RAP1GAP: variants seen among roughly 807,000 people sequenced by gnomAD.
RAP1GAP encodes RAP1 GTPase activating protein.
Under a neutral mutation model 87.2 loss-of-function variants are expected in RAP1GAP, and 35 were observed. That is an observed-to-expected ratio of 0.40 (90% CI 0.31 to 0.53). The LOEUF (loss-of-function observed/expected upper bound fraction) is 0.53, where lower values mean the gene tolerates loss of function less well. RAP1GAP is among the 20% of genes least tolerant of loss of function. The probability of loss-of-function intolerance (pLI) is 0.48; values close to 1 mark genes in which losing one functional copy is unlikely to be tolerated. For synonymous variants in RAP1GAP, 375 were observed against 363.9 expected, an observed-to-expected ratio of 1.03 and a Z score of -0.35; for missense variants, 734 against 898.9, an observed-to-expected ratio of 0.82 and a Z score of 2.35.
chr1:21,645,298 C>T (rs1308299971), intron 2 of RAP1GAP, among the ~76,000 whole-genome samples: 3 of 151,996 alleles, frequency 2.0e-5, no homozygotes, highest in East Asian at 1.9e-4. Context: ...CCAGCTCAAT[C>T]GAAGTCTCAG....
intron 20 of RAP1GAP, among the ~76,000 whole-genome samples, chr1:21,600,777 T>C (rs2067536870): frequency 6.7e-6 from 1 of 148,652 alleles, no homozygotes; most frequent in Non-Finnish European, 1.5e-5. Context: ...CCCAGCTACT[T>C]GGGGGGCTGA....
chr1:21,628,722 T>TA (rs919844883), intron 2 of RAP1GAP, among the ~76,000 whole-genome samples: 4 of 149,414 alleles, frequency 2.7e-5, no homozygotes, highest in African/African-American at 9.9e-5. Flanking sequence ...CCATCTCAAA[T>TA]AAAAAAAATA....
intron 3 of RAP1GAP, among the ~76,000 whole-genome samples, chr1:21,620,444 C>G (rs1025597126): frequency 6.6e-6 from 1 of 152,242 alleles, no homozygotes; most frequent in Non-Finnish European, 1.5e-5. Flanking sequence ...CTCAGTCAAC[C>G]AGGCTCAGGC....
intron 1 of RAP1GAP, among the ~76,000 whole-genome samples, chr1:21,656,391 C>A (rs2152202436): frequency 6.9e-6 from 1 of 144,370 alleles, no homozygotes; most frequent in South Asian, 2.2e-4. Context: ...TGCACTGCAG[C>A]CTGGGTGACA....
chr1:21,606,290 G>A, intron 17 of RAP1GAP, 93 bp from the exon 18 acceptor site: 7 of 1,486,318 alleles, frequency 4.7e-6, no homozygotes, highest in Non-Finnish European at 5.4e-6. Context: ...TCTCTCCCCA[G>A]CAATGCCACT....
At position 21,599,629 on chromosome 1, in the gene RAP1GAP, A is replaced by C; in HGVS notation, c.1653-12T>G. ...CTGCGGTCTCCGCTCTGCCACAGAC[A>C]GTGCCCCATTAGCCGGTGTCCACCC... is the stretch of plus-strand genomic sequence containing the variant. On this transcript the variant is annotated splice_polypyrimidine_tract_variant and intron_variant, in intron 20 of 24. Coordinates refer to ENST00000374765, the MANE Select transcript of RAP1GAP (RefSeq NM_002885.4). 6.3e-7 allele frequency: 1 copy of C among 1,599,260 alleles called. No individual in the cohort carries two copies. Among genetic ancestry groups the C allele is most frequent in the East Asian group, 2.2e-5 (1 of 44,782 alleles).
At chr1:21,619,647 C>T (rs763008463) in intron 4 of RAP1GAP, among the ~76,000 whole-genome samples, 13 of 152,060 alleles carry the variant, frequency 8.5e-5, no homozygotes, top group Non-Finnish European at 1.6e-4. Context: ...CTGACAGGCC[C>T]CCAGCATCTG....
chr1:21,668,847 G>T lies in RAP1GAP; in HGVS notation c.-149+407C>A, dbSNP rs547702700. On this transcript the variant is annotated intron_variant, in intron 1 of 24. Transcript: ENST00000374765. The surrounding 1 kb of genome is among the most constrained non-coding windows in gnomAD (Gnocchi z 6.2). ...GCGCCACCCTCTGGGGGGCGCTAGG[G>T]CTTGGGCCCCTCCCCAGGGATGGAG... Among the ~76,000 whole-genome samples, 1 of 151,756 alleles carries T rather than the reference G, an allele frequency of 6.6e-6. No homozygotes were observed. Among genetic ancestry groups the T allele is most frequent in the South Asian group, 2.1e-4 (1 of 4,802 alleles).
intron 17 of RAP1GAP, 94 bp downstream of exon 17, chr1:21,608,113 TCCACCC>T: frequency 6.7e-7 from 1 of 1,490,592 alleles, no homozygotes; most frequent in Admixed American, 2.0e-5. Flanking sequence ...TCTGCCAGAC[TCCACCC>T]CCACGCCGTG....
chr1:21,616,136 A>AACAC (rs58644324), intron 7 of RAP1GAP, among the ~76,000 whole-genome samples: 280 of 126,816 alleles, frequency 2.2e-3, no homozygotes, highest in African/African-American at 5.6e-3. Context: ...CCCTCTTCCC[A>AACAC]ACACACACAC....
At chr1:21,632,579 T>A (rs1047293055) in intron 2 of RAP1GAP, among the ~76,000 whole-genome samples, 9 of 152,028 alleles carry the variant, frequency 5.9e-5, no homozygotes, top group Admixed American at 5.9e-4. Context: ...GGTGGGAAGA[T>A]CTCAAGAGAG....
At chr1:21,602,555 C>T (rs559012377) in intron 19 of RAP1GAP, among the ~76,000 whole-genome samples, 50 of 152,346 alleles carry the variant, frequency 3.3e-4, no homozygotes, top group African/African-American at 1.1e-3. Context: ...CTGCCCATCA[C>T]TGGCTGTGTG....
In RAP1GAP at chr1:21,609,755, C is replaced by T; in HGVS notation, c.1000-109G>A. 3.8e-6 allele frequency: 3 copies of T among 791,100 alleles called. No homozygotes were observed. Among genetic ancestry groups the T allele is most frequent in the Non-Finnish European group, 5.9e-6 (3 of 510,912 alleles). The allele number at this position is 791,100 out of a possible 1,614,324, so 49.0% of individuals were successfully genotyped here. A position where few individuals can be genotyped will look rare whatever the true frequency, so the allele number is the denominator to read the frequency against. On this transcript the variant is annotated intron_variant, in intron 14 of 24. Coordinates refer to ENST00000374765, the MANE Select transcript of RAP1GAP (RefSeq NM_002885.4). This position sits in a 1 kb window ranked among gnomAD's most constrained non-coding sequence, Gnocchi z 4.4. ...CTGGACTGCCCCTTGGTCGGGGAGA[C>T]CCAGTGACTGTGGGCTGGATGAATC... is the stretch of plus-strand genomic sequence containing the variant.
chr1:21,603,664 C>A lies in RAP1GAP; in HGVS notation c.1429-751G>T. On this transcript the variant is annotated intron_variant, in intron 18 of 24. Transcript: ENST00000374765. The surrounding 1 kb of genome is among the most constrained non-coding windows in gnomAD (Gnocchi z 6.0). ...CTGGCTCTGGCACAGGTACCAGGCC[C>A]CAAAGCAGGTGCTGAGTGCCATCGG... is the stretch of plus-strand genomic sequence containing the variant. 1.3e-6 allele frequency: 1 copy of A among 792,790 alleles called. No individual in the cohort carries two copies. The highest frequency in any genetic ancestry group is 2.4e-5 in the East Asian group (1 of 40,822). 49.1% of individuals were successfully genotyped at this position (792,790 alleles called of 1,614,324 possible). A position where few individuals can be genotyped will look rare whatever the true frequency, so the allele number is the denominator to read the frequency against.
Position 21,610,172 on chromosome 1 carries a change from G to A in RAP1GAP, c.947C>T (p.Ala316Val). The A allele has an allele frequency of 1.9e-6, 3 of 1,614,168 alleles. No homozygotes were observed. The highest frequency in any genetic ancestry group is 2.5e-6 in the Non-Finnish European group (3 of 1,180,016). ...PDMIASNFLH[A>V]YVVVQAEGGG... Reference sequence around the variant, plus strand: ...GCCCTCAGCCTGCACCACGACGTAGGCATGCAGGAAGTTGGACGCGATCAT... The same window carrying A: ...GCCCTCAGCCTGCACCACGACGTAGACATGCAGGAAGTTGGACGCGATCAT... The change falls in exon 14 of 25, where the codon GCC (alanine) becomes GTC (valine). Residue 316 changes from alanine (A) to valine (V), a missense_variant. Coordinates refer to ENST00000374765, the MANE Select transcript of RAP1GAP (RefSeq NM_002885.4).
chr1:21,658,842 C>A (rs1001118707), intron 1 of RAP1GAP, among the ~76,000 whole-genome samples: 4 of 150,798 alleles, frequency 2.7e-5, no homozygotes, highest in South Asian at 2.1e-4. Flanking sequence ...AGGTGGAGGG[C>A]CTTTTTCATC....
At chr1:21,610,309 C>T (rs2077413457) in intron 13 of RAP1GAP, 34 bp from the exon 14 acceptor site, 3 of 1,609,940 alleles carry the variant, frequency 1.9e-6, no homozygotes, top group South Asian at 1.1e-5. Context: ...CGTGGTCTGG[C>T]CAGAGGGGGC....
intron 1 of RAP1GAP, among the ~76,000 whole-genome samples, chr1:21,658,749 G>T (rs370189705): frequency 1.1e-4 from 16 of 151,672 alleles, no homozygotes; most frequent in African/African-American, 3.2e-4. Flanking sequence ...AAATCTAAGG[G>T]TATATTTTTA....
intron 2 of RAP1GAP, among the ~76,000 whole-genome samples, chr1:21,633,554 T>A (rs2094178298): frequency 6.6e-6 from 1 of 151,258 alleles, no homozygotes; most frequent in Non-Finnish European, 1.5e-5. Context: ...TCTGGACAGG[T>A]GACAGTGCCT....
Sources: allele counts gnomAD v4.1 joint callset (sites outside exome capture counted in the v4.1 genomes callset), GRCh38; gene constraint gnomAD v4.1.1; non-coding constraint Gnocchi (gnomAD v3.1); transcripts MANE v1.5; gene names NCBI Gene and HGNC (gene_info 2026-07-23, HGNC 2026-07-21).